CAPRIN1: variants seen among roughly 807,000 people sequenced by gnomAD.
The protein encoded by CAPRIN1 is caprin-1.
A neutral mutation model predicts 100.9 loss-of-function variants in CAPRIN1; 29 were observed. That is an observed-to-expected ratio of 0.29 (90% CI 0.21 to 0.39). CAPRIN1 has a LOEUF of 0.39. CAPRIN1 is among the 10% of genes least tolerant of loss of function. The probability of loss-of-function intolerance (pLI) is 1.00; values close to 1 mark genes in which losing one functional copy is unlikely to be tolerated. For synonymous variants in CAPRIN1, 338 were observed against 307.5 expected (o/e 1.10, Z -1.04); for missense variants, 795 against 876.7 (o/e 0.91, Z 1.18).
Position 34,100,542 on chromosome 11 carries a change from C to CT in CAPRIN1, c.*1177dup, listed in dbSNP as rs1851438558. The CT allele has an allele frequency of 6.6e-6, 1 of 152,286 alleles. No homozygotes were observed. Among genetic ancestry groups the CT allele is most frequent in the African/African-American group, 2.4e-5 (1 of 41,566 alleles). 9.4% of individuals were successfully genotyped at this position (152,286 alleles called of 1,614,324 possible). A position where few individuals can be genotyped will look rare whatever the true frequency, so the allele number is the denominator to read the frequency against. ...AACACTGGTGTTCAACAGCTAGCAG[C>CT]TTATGTGATTCACCCCATGCCACGT... On this transcript the variant is annotated 3_prime_UTR_variant, in exon 19 of 19. Coordinates refer to ENST00000341394, the MANE Select transcript of CAPRIN1 (RefSeq NM_005898.5).
chr11:34,072,335 T>A lies in CAPRIN1; in HGVS notation c.366+348T>A, dbSNP rs549094498. Reference sequence around the variant, plus strand: ...CATCTCTAAAAAAAAAAAAAAACATTAAATTTAAAAATTTTTTTAAAAGGA... The same window carrying A: ...CATCTCTAAAAAAAAAAAAAAACATAAAATTTAAAAATTTTTTTAAAAGGA... On this transcript the variant is annotated intron_variant, in intron 4 of 18. Coordinates refer to ENST00000341394, the MANE Select transcript of CAPRIN1 (RefSeq NM_005898.5). 8.6e-5 allele frequency among the ~76,000 whole-genome samples: 13 copies of A among 151,850 alleles called. No homozygotes were observed. The South Asian group carries it at 2.7e-3, about 32-fold the overall frequency.
intron 17 of CAPRIN1, 149 bp downstream of exon 17, chr11:34,097,445 C>T (rs1404417300): frequency 2.7e-6 from 2 of 742,326 alleles, no homozygotes; most frequent in African/African-American, 3.5e-5. Flanking sequence ...TTTTAGCACT[C>T]AACATCAGTA....
chr11:34,053,141 GTC>G, intron 2 of CAPRIN1: 1 of 989,002 alleles, frequency 1.0e-6, no homozygotes, highest in Non-Finnish European at 1.2e-6. Flanking sequence ...CCTGTCGAGC[GTC>G]CCCTCTTCTT....
At chr11:34,082,906 C>G (rs759148504) in intron 8 of CAPRIN1, 29 bp downstream of exon 8, 7 of 1,612,854 alleles carry the variant, frequency 4.3e-6, no homozygotes, top group Non-Finnish European at 5.9e-6. Flanking sequence ...GCTGCCTTTA[C>G]TTTGCTGCCT....
At chr11:34,098,618 A>G in intron 18 of CAPRIN1, 2 of 985,274 alleles carry the variant, frequency 2.0e-6, no homozygotes, top group South Asian at 4.7e-5. Context: ...AAAAAGGTAC[A>G]TTTTTCTAAA....
chr11:34,054,186 G>A (rs183168763), intron 2 of CAPRIN1, among the ~76,000 whole-genome samples: 1 of 152,078 alleles, frequency 6.6e-6, no homozygotes, highest in African/African-American at 2.4e-5. Context: ...GGTATTGAAG[G>A]TTGGAAGTTT....
Position 34,086,332 on chromosome 11 carries a change from A to T in CAPRIN1, c.1150A>T (p.Thr384Ser). 1.9e-6 allele frequency: 3 copies of T among 1,613,808 alleles called. No individual in the cohort carries two copies. In the South Asian group the frequency reaches 3.3e-5, roughly 18 times the overall value. ...QDSMLDFENQ[T>S]LDPAIVSAQP... ...TTCAATGCTGGATTTTGAAAATCAG[A>T]CACTTGATCCTGCCATTGTATCTGC... The change falls in exon 11 of 19, where the codon ACA becomes TCA. Residue 384 changes from threonine to serine, a missense_variant. By Grantham distance (58) the Thr-to-Ser change is moderately conservative. Around this residue, in one of 3 missense-constraint regions of CAPRIN1, gnomAD observed 648 missense variants for 697.9 expected, o/e 0.93. Coordinates refer to ENST00000341394, the MANE Select transcript of CAPRIN1 (RefSeq NM_005898.5).
chr11:34,090,745 T>G, intron 14 of CAPRIN1, 67 bp downstream of exon 14: 1 of 1,437,936 alleles, frequency 7.0e-7, no homozygotes, highest in Non-Finnish European at 9.7e-7. Context: ...TTCTTTTCTT[T>G]TTTAAAGGTC....
chr11:34,094,294 G>A (rs1851322831), intron 15 of CAPRIN1, among the ~76,000 whole-genome samples: 1 of 144,902 alleles, frequency 6.9e-6, no homozygotes, highest in Non-Finnish European at 1.5e-5. Context: ...GGCCTCAGGT[G>A]ATCCACCCGC....
intron 2 of CAPRIN1, chr11:34,052,945 G>A (rs1850359801): frequency 4.9e-6 from 6 of 1,217,304 alleles, no homozygotes; most frequent in Admixed American, 4.3e-5. Context: ...GTGGGGGCCT[G>A]TCGTCAGGAC....
At chr11:34,053,252 GAT>G in intron 2 of CAPRIN1, 2 of 611,010 alleles carry the variant, frequency 3.3e-6, no homozygotes, top group Non-Finnish European at 4.1e-6. Flanking sequence ...GCGCCCATGC[GAT>G]GGGCTCCCCT....
intron 2 of CAPRIN1, among the ~76,000 whole-genome samples, chr11:34,068,191 G>A (rs569341513): frequency 1.3e-5 from 2 of 152,192 alleles, no homozygotes; most frequent in Non-Finnish European, 2.9e-5. Context: ...TCATGGCATG[G>A]CTTCCTCATC....
intron 2 of CAPRIN1, chr11:34,056,602 G>C (rs577448680): frequency 9.5e-5 from 14 of 147,570 alleles, no homozygotes; most frequent in African/African-American, 3.2e-4. Flanking sequence ...TAACTGCCTA[G>C]TTTTCTTTAT....
At chr11:34,094,026 T>G (rs1198009010) in intron 15 of CAPRIN1, among the ~76,000 whole-genome samples, 1 of 152,182 alleles carries the variant, frequency 6.6e-6, no homozygotes, top group Non-Finnish European at 1.5e-5. Context: ...TATATATGTG[T>G]ATTTATGGTA....
rs1445414014 is a variant in CAPRIN1, at chr11:34,100,582, T to C, written c.*1215T>C. 6.6e-6 allele frequency: 1 copy of C among 152,204 alleles called. No homozygotes were observed. Among genetic ancestry groups the C allele is most frequent in the Non-Finnish European group, 1.5e-5 (1 of 68,020 alleles). 9.4% of individuals were successfully genotyped at this position (152,204 alleles called of 1,614,324 possible). On this transcript the variant is annotated 3_prime_UTR_variant, in exon 19 of 19. Coordinates refer to ENST00000341394, the MANE Select transcript of CAPRIN1 (RefSeq NM_005898.5). ...CCATGCCACGTTAGTGTCACAAATT[T>C]TATGGTTTATCTCCAGCAACATTTC...
intron 2 of CAPRIN1, among the ~76,000 whole-genome samples, chr11:34,070,602 G>T (rs1850788274): frequency 6.6e-6 from 1 of 152,014 alleles, no homozygotes; most frequent in Non-Finnish European, 1.5e-5. Flanking sequence ...CATCATGTTG[G>T]CCAGGCTGGT....
intron 7 of CAPRIN1, among the ~76,000 whole-genome samples, chr11:34,080,025 G>A (rs910842271): frequency 1.3e-5 from 2 of 150,672 alleles, no homozygotes; most frequent in Non-Finnish European, 1.5e-5. Context: ...CTGGGTTCAC[G>A]CCATTCTCCT....
chr11:34,079,117 A>G (rs952426088), intron 6 of CAPRIN1, among the ~76,000 whole-genome samples: 2 of 152,244 alleles, frequency 1.3e-5, no homozygotes, highest in South Asian at 2.1e-4. Flanking sequence ...TAAAATACAT[A>G]AAGTTCAGGC....
chr11:34,096,825 G>T, intron 16 of CAPRIN1, 152 bp downstream of exon 16: 2 of 613,002 alleles, frequency 3.3e-6, no homozygotes, highest in East Asian at 5.7e-5. Context: ...TACAATTTGT[G>T]TATTTGGTAT....
Sources: allele counts gnomAD v4.1 joint callset (sites outside exome capture counted in the v4.1 genomes callset), GRCh38; gene constraint gnomAD v4.1.1; regional missense constraint gnomAD v4.1.1; transcripts MANE v1.5; gene names NCBI Gene and HGNC (gene_info 2026-07-23, HGNC 2026-07-21).